Variants in LRIT3 observed in about 807,000 individuals in gnomAD.
LRIT3 encodes the protein leucine-rich repeat, immunoglobulin-like domain and transmembrane domain-containing protein 3.
A neutral mutation model predicts 22.6 loss-of-function variants in LRIT3; 14 were observed. The ratio of observed to expected loss-of-function variants is 0.62; its 90% CI spans 0.41 to 0.97. LRIT3 has a LOEUF of 0.97. Ranked by LOEUF, LRIT3 falls within the 50% of genes least tolerant of loss-of-function variation. The pLI is 0.00. For missense variants in LRIT3, 783 were observed against 803.0 expected (o/e 0.98, Z 0.30); for synonymous variants, 306 against 304.5 (o/e 1.01, Z -0.05).
At chr4:109,850,422 C>CCTTCTTTCTTTCTTCCTTTCTTTCTTT (rs66553123) in intron 1 of LRIT3, among the ~76,000 whole-genome samples, 2 of 55,088 alleles carry the variant, frequency 3.6e-5, no homozygotes, top group Non-Finnish European at 7.0e-5. Flanking sequence ...TTCCTTCCTT[C>CCTTCTTTCTTTCTTCCTTTCTTTCTTT]CTTTCTTTCT....
In LRIT3 at chr4:109,869,642, C is replaced by A; in HGVS notation, c.896-3C>A. 6.5e-7 allele frequency: 1 copy of A among 1,531,200 alleles called. No homozygotes were observed. The allele number at this position is 1,531,200 out of a possible 1,614,324, so 94.9% of individuals were successfully genotyped here. A position where few individuals can be genotyped will look rare whatever the true frequency, so the allele number is the denominator to read the frequency against. ...CACAGACTATACATTTGTTTTCTTC[C>A]AGTAATACAAGAATCTCCAGAGGAA... On this transcript the variant is annotated splice_region_variant and splice_polypyrimidine_tract_variant and intron_variant, in intron 3 of 3. Coordinates refer to ENST00000594814, the MANE Select transcript of LRIT3 (RefSeq NM_198506.5).
At chr4:109,868,525 C>T (rs1386275220) in intron 3 of LRIT3, among the ~76,000 whole-genome samples, 13 of 135,574 alleles carry the variant, frequency 9.6e-5, no homozygotes, top group Non-Finnish European at 1.4e-4. Context: ...GAGTTAAGAT[C>T]GCACCACTGC....
chr4:109,861,449 G>C (rs1734543599), intron 2 of LRIT3, among the ~76,000 whole-genome samples: 1 of 150,884 alleles, frequency 6.6e-6, no homozygotes, highest in African/African-American at 2.4e-5. Flanking sequence ...CTGCATGACA[G>C]TCTGGTTGCT....
chr4:109,857,740 G>A (rs1475474650), intron 2 of LRIT3, among the ~76,000 whole-genome samples: 1 of 152,278 alleles, frequency 6.6e-6, no homozygotes, highest in East Asian at 1.9e-4. Flanking sequence ...ACCTTTAGGA[G>A]CCCAGTCAAC....
rs576651632 is a variant in LRIT3 at position 109,849,173 on chromosome 4, A to T, written c.116+856A>T. 3.3e-5 allele frequency among the ~76,000 whole-genome samples: 5 copies of T among 152,328 alleles called. No individual in the cohort carries two copies. In the South Asian group the frequency reaches 8.3e-4, roughly 25 times the overall value. ...AAACAAATAAATAATAATAAATAAG[A>T]CATATTTGTGAAAAGCTTATCTTGT... On this transcript the variant is annotated intron_variant, in intron 1 of 3. Transcript: ENST00000594814.
At chr4:109,859,817 C>T (rs1379146627) in intron 2 of LRIT3, among the ~76,000 whole-genome samples, 2 of 152,200 alleles carry the variant, frequency 1.3e-5, no homozygotes, top group African/African-American at 2.4e-5. Context: ...CATGTTGGCT[C>T]ATTCTGGCAG....
chr4:109,861,723 T>G (rs1734550583), intron 2 of LRIT3, among the ~76,000 whole-genome samples: 2 of 152,322 alleles, frequency 1.3e-5, no homozygotes, highest in South Asian at 4.1e-4. Context: ...GAATATTTTC[T>G]CCAAGGCTGA....
intron 2 of LRIT3, among the ~76,000 whole-genome samples, chr4:109,863,982 A>T (rs763226398): frequency 6.6e-6 from 1 of 152,188 alleles, no homozygotes; most frequent in Non-Finnish European, 1.5e-5. Context: ...TAAAGAAAAA[A>T]ATCTGGCATA....
At chr4:109,852,080 T>A in intron 2 of LRIT3, 104 bp downstream of exon 2, 1 of 1,023,186 alleles carries the variant, frequency 9.8e-7, no homozygotes, top group Non-Finnish European at 1.4e-6. Flanking sequence ...TTTTACTCTG[T>A]AATTGCACTT....
rs145673663 is a variant in LRIT3 at position 109,869,817 on chromosome 4, C to T, written c.1068C>T (p.Asp356=). The change falls in exon 4 of 4, where the codon GAC becomes GAT. Residue 356 remains aspartate (D), a synonymous_variant. Coordinates refer to ENST00000594814, the MANE Select transcript of LRIT3 (RefSeq NM_198506.5). The part of the protein sequence containing the change: ...LGITTTPIPP[D]TSERTGDHPE... The stretch of plus-strand genomic sequence containing the variant: ...TTACCACAACTCCAATACCACCAGA[C>T]ACTTCTGAAAGAACTGGAGATCATC... 1 of 1,613,842 alleles carries T rather than the reference C, an allele frequency of 6.2e-7. No individual in the cohort carries two copies. Among genetic ancestry groups the T allele is most frequent in the African/African-American group, 1.3e-5 (1 of 74,936 alleles).
chr4:109,860,451 T>C (rs1469050589), intron 2 of LRIT3, among the ~76,000 whole-genome samples: 2 of 152,204 alleles, frequency 1.3e-5, no homozygotes, highest in Non-Finnish European at 2.9e-5. Flanking sequence ...CCTTGCTGGG[T>C]GCTCTAATCC....
chr4:109,856,253 T>C (rs1294718305), intron 2 of LRIT3, among the ~76,000 whole-genome samples: 1 of 152,180 alleles, frequency 6.6e-6, no homozygotes, highest in East Asian at 1.9e-4. Flanking sequence ...TTTTATTCCA[T>C]AGCAATAGTT....
intron 2 of LRIT3, among the ~76,000 whole-genome samples, chr4:109,864,069 A>C (rs1187441144): frequency 2.0e-5 from 3 of 152,342 alleles, no homozygotes; most frequent in Admixed American, 6.5e-5. Flanking sequence ...TGGCAGATTT[A>C]GAAATTAATC....
At chr4:109,856,194 A>G (rs1474427169) in intron 2 of LRIT3, among the ~76,000 whole-genome samples, 1 of 152,156 alleles carries the variant, frequency 6.6e-6, no homozygotes, top group African/African-American at 2.4e-5. Context: ...TTGTCTTTAC[A>G]CAATCCTGCA....
At chr4:109,861,188 G>A (rs1734536466) in intron 2 of LRIT3, among the ~76,000 whole-genome samples, 1 of 152,038 alleles carries the variant, frequency 6.6e-6, no homozygotes, top group Non-Finnish European at 1.5e-5. Context: ...GGTCAATGTG[G>A]CGAAACCCTG....
At chr4:109,849,672 G>A (rs913500314) in intron 1 of LRIT3, among the ~76,000 whole-genome samples, 2 of 152,206 alleles carry the variant, frequency 1.3e-5, no homozygotes, top group Non-Finnish European at 2.9e-5. Flanking sequence ...GAGTGCAGTG[G>A]CACAATCTCG....
At chr4:109,852,043 G>T in intron 2 of LRIT3, 67 bp downstream of exon 2, 1 of 1,397,596 alleles carries the variant, frequency 7.2e-7, no homozygotes, top group Non-Finnish European at 9.5e-7. Context: ...TTTTTGTCCA[G>T]TCTTTTAAAA....
At chr4:109,859,074 C>T (rs113929287) in intron 2 of LRIT3, among the ~76,000 whole-genome samples, 188 of 152,204 alleles carry the variant, frequency 1.2e-3, no homozygotes, top group Non-Finnish European at 1.7e-3. Flanking sequence ...CCAGATATTG[C>T]GGGATCTGGC....
At chr4:109,855,815 A>C (rs1734387418) in intron 2 of LRIT3, among the ~76,000 whole-genome samples, 2 of 152,192 alleles carry the variant, frequency 1.3e-5, no homozygotes, top group African/African-American at 4.8e-5. Context: ...GTCATTAAGG[A>C]GCAGGTTGTC....
Sources: allele counts gnomAD v4.1 joint callset (sites outside exome capture counted in the v4.1 genomes callset), GRCh38; gene constraint gnomAD v4.1.1; transcripts MANE v1.5; gene names NCBI Gene and HGNC (gene_info 2026-07-23, HGNC 2026-07-21).